ADAMTSL1: variants seen among roughly 807,000 people sequenced by gnomAD.
ADAMTSL1 encodes ADAMTS like 1.
In ADAMTSL1, 126 loss-of-function variants were observed where a neutral mutation model predicts 201.8. That is an observed-to-expected ratio of 0.62 (90% CI 0.54 to 0.72). The LOEUF is 0.72. Ranked by LOEUF, ADAMTSL1 falls within the 30% of genes least tolerant of loss-of-function variation. The pLI is 0.00. For synonymous variants in ADAMTSL1, 1,121 were observed against 903.4 expected (o/e 1.24, Z -4.32); for missense variants, 2,679 against 2,277.8 (o/e 1.18, Z -3.59).
At chr9:18,729,447 A>G (rs1818085501) in intron 15 of ADAMTSL1, among the ~76,000 whole-genome samples, 1 of 152,248 alleles carries the variant, frequency 6.6e-6, no homozygotes, top group African/African-American at 2.4e-5. Context: ...CTACCTGGCC[A>G]TAAGAAAAAT....
At chr9:18,175,253 G>A (rs1319380517) in intron 2 of ADAMTSL1, among the ~76,000 whole-genome samples, 3 of 152,088 alleles carry the variant, frequency 2.0e-5, no homozygotes, top group Non-Finnish European at 4.4e-5. Flanking sequence ...AAGATATTGT[G>A]TTTCAAATTT....
intron 8 of ADAMTSL1, among the ~76,000 whole-genome samples, chr9:18,658,130 A>C (rs929137568): frequency 6.6e-6 from 1 of 151,942 alleles, no homozygotes; most frequent in Non-Finnish European, 1.5e-5. Flanking sequence ...GCCCGCCACC[A>C]CGCCCGGCTA....
intron 23 of ADAMTSL1, among the ~76,000 whole-genome samples, chr9:18,860,968 A>G (rs1335386500): frequency 1.3e-5 from 2 of 152,190 alleles, no homozygotes. Context: ...CTCTGTGGAA[A>G]CTTTAGTTCT....
At chr9:18,544,451 T>C (rs191747631) in intron 3 of ADAMTSL1, among the ~76,000 whole-genome samples, 2 of 152,170 alleles carry the variant, frequency 1.3e-5, no homozygotes, top group Non-Finnish European at 2.9e-5. Flanking sequence ...GATTTCTGTT[T>C]GATGGCATCT....
intron 2 of ADAMTSL1, among the ~76,000 whole-genome samples, chr9:18,248,807 C>G (rs75968019): frequency 0.012 from 1,839 of 152,226 alleles, 48 homozygotes; most frequent in African/African-American, 0.042. Context: ...ATCTCTCTCT[C>G]TCACTGAAAA....
At chr9:18,716,395 AAAAC>A (rs1380947369) in intron 14 of ADAMTSL1, among the ~76,000 whole-genome samples, 21 of 152,112 alleles carry the variant, frequency 1.4e-4, no homozygotes, top group Admixed American at 2.6e-4. Context: ...TTACAAGAAA[AAAAC>A]AAACAACCCC....
chr9:18,480,397 G>T (rs761930643), intron 1 of ADAMTSL1, among the ~76,000 whole-genome samples: 1 of 152,158 alleles, frequency 6.6e-6, no homozygotes, highest in Non-Finnish European at 1.5e-5. Context: ...CCTGCTGGAT[G>T]CAGAGAATCC....
intron 3 of ADAMTSL1, among the ~76,000 whole-genome samples, chr9:18,535,008 G>A (rs554081046): frequency 3.9e-5 from 6 of 152,308 alleles, no homozygotes; most frequent in East Asian, 3.9e-4. Context: ...TTTCCCCATC[G>A]TCTTGGTGAT....
chr9:18,857,655 T>A (rs1826948387), intron 23 of ADAMTSL1, among the ~76,000 whole-genome samples: 1 of 152,192 alleles, frequency 6.6e-6, no homozygotes, highest in South Asian at 2.1e-4. Context: ...ATTGCAGAAG[T>A]TAAGTTCCAA....
chr9:18,147,958 C>T (rs923687753), intron 1 of ADAMTSL1, among the ~76,000 whole-genome samples: 1 of 152,072 alleles, frequency 6.6e-6, no homozygotes. Flanking sequence ...ATTATCTCTT[C>T]TACTAGACTG....
At chr9:18,394,648 A>C (rs530924194) in intron 2 of ADAMTSL1, among the ~76,000 whole-genome samples, 14 of 152,048 alleles carry the variant, frequency 9.2e-5, no homozygotes, top group African/African-American at 3.4e-4. Flanking sequence ...AGATAAAAGA[A>C]AGTTGATTAT....
chr9:18,623,883 T>C (rs1826191478), intron 5 of ADAMTSL1, among the ~76,000 whole-genome samples: 1 of 152,244 alleles, frequency 6.6e-6, no homozygotes, highest in South Asian at 2.1e-4. Context: ...TGAATGTGTT[T>C]TGTTATCTTT....
At chr9:18,469,797 C>A (rs562045708), upstream of ADAMTSL1, among the ~76,000 whole-genome samples, 1 of 152,234 alleles carries the variant, frequency 6.6e-6, no homozygotes. Flanking sequence ...TTCTGCCTCA[C>A]TTCCTCCTTC....
intron 2 of ADAMTSL1, among the ~76,000 whole-genome samples, chr9:18,317,250 G>A (rs1258585525): frequency 2.0e-5 from 3 of 152,114 alleles, no homozygotes; most frequent in African/African-American, 2.4e-5. Context: ...ATGAGGAAAA[G>A]GGTAGATGTT....
At chr9:18,680,188 T>C in intron 10 of ADAMTSL1, 124 bp from the exon 11 acceptor site, 9 of 998,022 alleles carry the variant, frequency 9.0e-6, no homozygotes, top group Non-Finnish European at 1.3e-5. Flanking sequence ...CTTTTGGTTT[T>C]CTGGACCTTA....
chr9:18,757,057 C>T (rs1819813633), intron 16 of ADAMTSL1, among the ~76,000 whole-genome samples: 2 of 152,080 alleles, frequency 1.3e-5, no homozygotes, highest in Non-Finnish European at 2.9e-5. Context: ...AGAAATGAAA[C>T]AGAAATCTAA....
chr9:18,644,935 T>C lies in ADAMTSL1; in HGVS notation c.834+5524T>C, dbSNP rs534147541. 6.3e-3 allele frequency among the ~76,000 whole-genome samples: 957 copies of C among 152,044 alleles called. 8 individuals are homozygous for C. Among genetic ancestry groups the C allele is most frequent in the African/African-American group, 0.021 (882 of 41,370 alleles). On this transcript the variant is annotated intron_variant, in intron 7 of 28. Coordinates refer to ENST00000380548, the MANE Select transcript of ADAMTSL1 (RefSeq NM_001040272.6). ...GGATGGCTGGGTCAAATGGTATTTC[T>C]AGTTCTAGATCCCTGAGGAATCGCC...
intron 1 of ADAMTSL1, among the ~76,000 whole-genome samples, chr9:18,041,740 AT>A (rs1342304490): frequency 6.6e-6 from 1 of 152,120 alleles, no homozygotes; most frequent in African/African-American, 2.4e-5. Context: ...GAAAATCATG[AT>A]TTTCAAAATT....
intron 1 of ADAMTSL1, among the ~76,000 whole-genome samples, chr9:18,049,185 C>T (rs945447493): frequency 6.6e-6 from 1 of 152,206 alleles, no homozygotes; most frequent in Non-Finnish European, 1.5e-5. Flanking sequence ...TCTACAAAGA[C>T]CCTATTTCCA....
Sources: allele counts gnomAD v4.1 joint callset (sites outside exome capture counted in the v4.1 genomes callset), GRCh38; gene constraint gnomAD v4.1.1; transcripts MANE v1.5; gene names NCBI Gene and HGNC (gene_info 2026-07-23, HGNC 2026-07-21).